MIPEP: variants seen among roughly 807,000 people sequenced by gnomAD.
MIPEP encodes the protein mitochondrial intermediate peptidase.
Under a neutral mutation model 90.3 loss-of-function variants are expected in MIPEP, and 79 were observed. That is an observed-to-expected ratio of 0.87 (90% CI 0.73 to 1.05). The LOEUF (loss-of-function observed/expected upper bound fraction) is 1.05, where lower values mean the gene tolerates loss of function less well. Among genes scored for constraint, MIPEP ranks in the 50% least tolerant of loss-of-function variants. The pLI is 0.00. For synonymous variants in MIPEP, 334 were observed against 315.8 expected, an observed-to-expected ratio of 1.06 and a Z score of -0.61; for missense variants, 940 against 905.6, an observed-to-expected ratio of 1.04 and a Z score of -0.49.
intron 16 of MIPEP, among the ~76,000 whole-genome samples, chr13:23,792,849 A>G (rs1952913082): frequency 6.6e-6 from 1 of 152,202 alleles, no homozygotes; most frequent in East Asian, 1.9e-4. Context: ...TGAACATATG[A>G]AGAAGCACCC....
intron 16 of MIPEP, among the ~76,000 whole-genome samples, chr13:23,788,605 T>C (rs532572072): frequency 5.3e-5 from 8 of 152,324 alleles, no homozygotes; most frequent in Admixed American, 4.6e-4. Flanking sequence ...GGCATGAAAG[T>C]GCAATTCTAC....
intron 18 of MIPEP, among the ~76,000 whole-genome samples, chr13:23,752,649 G>A (rs979837824): frequency 6.6e-6 from 1 of 152,064 alleles, no homozygotes; most frequent in African/African-American, 2.4e-5. Context: ...CCATTGTGGG[G>A]GTATGAGATG....
At chr13:23,841,107 A>G (rs746049651) in intron 11 of MIPEP, among the ~76,000 whole-genome samples, 2 of 152,248 alleles carry the variant, frequency 1.3e-5, no homozygotes, top group Non-Finnish European at 2.9e-5. Context: ...TCAACCTTCT[A>G]TCAAGTTCCA....
Position 23,889,211 on chromosome 13 carries a change from C to A in MIPEP, c.110G>T (p.Ser37Ile). The change falls in exon 1 of 19, where the codon AGC becomes ATC. Residue 37 changes from serine (S) to isoleucine (I), a missense_variant. Physicochemically the swap from Ser to Ile is moderately radical, Grantham distance 142. Transcript: ENST00000382172. ...LEAGIRARRV[S>I]TSWSPVGAAF... Reference sequence around the variant, plus strand: ...GGCGCCCACGGGAGACCAGCTGGTGCTGACCCTTCGGGCCCGGATCCCGGC... The same window carrying A: ...GGCGCCCACGGGAGACCAGCTGGTGATGACCCTTCGGGCCCGGATCCCGGC... 1 of 1,444,052 alleles carries A rather than the reference C, an allele frequency of 6.9e-7. No homozygotes were observed. The highest frequency in any genetic ancestry group is 1.4e-5 in the South Asian group (1 of 70,308). The allele number at this position is 1,444,052 out of a possible 1,614,324, so 89.5% of individuals were successfully genotyped here. A position where few individuals can be genotyped will look rare whatever the true frequency, so the allele number is the denominator to read the frequency against.
chr13:23,786,152 G>A (rs995179838), intron 16 of MIPEP, among the ~76,000 whole-genome samples: 14 of 151,618 alleles, frequency 9.2e-5, no homozygotes, highest in Non-Finnish European at 1.6e-4. Flanking sequence ...GCTTGAGCCC[G>A]GGATGTCAAG....
intron 15 of MIPEP, among the ~76,000 whole-genome samples, chr13:23,806,754 A>G (rs958490779): frequency 1.1e-4 from 17 of 151,382 alleles, no homozygotes; most frequent in South Asian, 8.3e-4. Flanking sequence ...CTATCTATCT[A>G]TCTATCTATC....
intron 16 of MIPEP, among the ~76,000 whole-genome samples, chr13:23,785,634 A>G (rs1295025914): frequency 3.3e-5 from 5 of 151,896 alleles, no homozygotes; most frequent in Non-Finnish European, 7.4e-5. Flanking sequence ...TAAAAAAAAA[A>G]AAAAGAAAAA....
chr13:23,760,517 C>T (rs754936044), intron 16 of MIPEP: 16 of 589,162 alleles, frequency 2.7e-5, no homozygotes, highest in South Asian at 1.3e-4. Flanking sequence ...TAGACTGGGC[C>T]CTTGCCCAAA....
At chr13:23,761,368 C>A (rs1428848855) in intron 16 of MIPEP, among the ~76,000 whole-genome samples, 1 of 152,120 alleles carries the variant, frequency 6.6e-6, no homozygotes, top group Non-Finnish European at 1.5e-5. Flanking sequence ...GGCAGGAGTG[C>A]CAATGGTGGA....
chr13:23,841,682 T>G (rs1869305267), intron 10 of MIPEP, among the ~76,000 whole-genome samples, 194 bp from the exon 11 acceptor site: 1 of 152,204 alleles, frequency 6.6e-6, no homozygotes, highest in Admixed American at 6.5e-5. Context: ...TTACTAGTGT[T>G]AGTTATAAGT....
intron 16 of MIPEP, among the ~76,000 whole-genome samples, chr13:23,796,631 C>A (rs1440363840): frequency 6.6e-6 from 1 of 151,608 alleles, no homozygotes; most frequent in Non-Finnish European, 1.5e-5. Flanking sequence ...ACAGTACTCT[C>A]AAAATCTCTC....
intron 5 of MIPEP, among the ~76,000 whole-genome samples, chr13:23,873,008 TAAGCAACAC>T (rs1450532734): frequency 1.3e-5 from 2 of 152,198 alleles, no homozygotes; most frequent in Non-Finnish European, 2.9e-5. Flanking sequence ...AGAAGTTAGA[TAAGCAACAC>T]AACAATAACA....
At chr13:23,820,320 GGGATTCCAGTTATTAGCATAT>G (rs2137427411) in intron 14 of MIPEP, among the ~76,000 whole-genome samples, 1 of 152,224 alleles carries the variant, frequency 6.6e-6, no homozygotes, top group East Asian at 1.9e-4. Context: ...ACCTTTCTTG[GGGATTCCAGTTATTAGCATAT>G]TAAATTATAC....
At chr13:23,872,705 C>T (rs1870872931) in intron 5 of MIPEP, among the ~76,000 whole-genome samples, 1 of 152,040 alleles carries the variant, frequency 6.6e-6, no homozygotes, top group African/African-American at 2.4e-5. Context: ...GGAGCTGCTC[C>T]CGGGGAAAGA....
Position 23,841,330 on chromosome 13 carries a change from C to A in MIPEP, c.1260+5G>T. 6.2e-7 allele frequency: 1 copy of A among 1,607,248 alleles called. No homozygotes were observed. The highest frequency in any genetic ancestry group is 8.5e-7 in the Non-Finnish European group (1 of 1,177,898). ...GCAACTGCAGGCTGAGCAGGAGGAG[C>A]TCACCAGTTTTCGGACATCTTCGCT... On this transcript the variant is annotated splice_donor_5th_base_variant and intron_variant, in intron 11 of 18. Transcript: ENST00000382172.
At chr13:23,872,376 G>A (rs1484347918) in intron 5 of MIPEP, among the ~76,000 whole-genome samples, 2 of 152,156 alleles carry the variant, frequency 1.3e-5, no homozygotes, top group African/African-American at 4.8e-5. Context: ...CAGAAGAATC[G>A]CTTGAACCCG....
intron 14 of MIPEP, among the ~76,000 whole-genome samples, chr13:23,818,344 C>T (rs868145907): frequency 2.0e-5 from 3 of 151,950 alleles, no homozygotes; most frequent in Admixed American, 6.6e-5. Flanking sequence ...CGCTGGAACG[C>T]GAATGCGGGA....
intron 14 of MIPEP, among the ~76,000 whole-genome samples, chr13:23,832,398 T>C (rs1868809623): frequency 6.6e-6 from 1 of 152,088 alleles, no homozygotes; most frequent in Admixed American, 6.6e-5. Context: ...CATTTTCAGG[T>C]ATTCTAAGGA....
chr13:23,816,254 GCT>G (rs762906167), intron 14 of MIPEP, among the ~76,000 whole-genome samples: 8 of 152,052 alleles, frequency 5.3e-5, no homozygotes, highest in Non-Finnish European at 7.4e-5. Flanking sequence ...CCTTGTTATT[GCT>G]CTCTTTTCCT....
Sources: gnomAD v4.1 joint callset for allele counts (sites outside exome capture counted in the v4.1 genomes callset) on GRCh38, gnomAD v4.1.1 for gene constraint, MANE v1.5 for transcripts, NCBI Gene and HGNC (gene_info 2026-07-23, HGNC 2026-07-21) for gene names.